KIAA0232: variants seen among roughly 807,000 people sequenced by gnomAD.
KIAA0232 encodes the protein KIAA0232.
Under a neutral mutation model 122.0 loss-of-function variants are expected in KIAA0232, and 27 were observed. The observed-to-expected ratio is 0.22, with a 90% CI of 0.16 to 0.31. The LOEUF (loss-of-function observed/expected upper bound fraction) is 0.31, where lower values mean the gene tolerates loss of function less well. KIAA0232 is among the 10% of genes least tolerant of loss of function. KIAA0232 has a pLI of 1.00. For synonymous variants in KIAA0232, 613 were observed against 587.6 expected, an observed-to-expected ratio of 1.04 and a Z score of -0.63; for missense variants, 1,551 against 1,634.2, an observed-to-expected ratio of 0.95 and a Z score of 0.88.
At chr4:6,793,729 C>T (rs1029928658) in intron 1 of KIAA0232, among the ~76,000 whole-genome samples, 2 of 152,188 alleles carry the variant, frequency 1.3e-5, no homozygotes, top group East Asian at 3.8e-4. Context: ...TGAGCTAACA[C>T]TGGTTAACCG....
Position 6,876,726 on chromosome 4 carries a change from G to C in KIAA0232, c.3977G>C (p.Ser1326Thr). ...TATCCAGATGCTAAAGAGACACCCAGTAATGAAGAGCGCCTGTTAGATTTT... is the reference window on the plus strand; with the variant it reads ...TATCCAGATGCTAAAGAGACACCCACTAATGAAGAGCGCCTGTTAGATTTT... ...EEYPDAKETP[S>T]NEERLLDFNR... The change falls in exon 9 of 10, where the codon AGT becomes ACT. Residue 1326 changes from serine (S) to threonine (T), a missense_variant. Ser to Thr is a moderately conservative substitution (Grantham distance 58, BLOSUM62 1). This residue lies in a region of KIAA0232 where 1,108 missense variants were observed against 1,154.8 expected (regional missense o/e 0.96). Transcript: ENST00000307659. 1 of 1,612,922 alleles carries C rather than the reference G, an allele frequency of 6.2e-7. No homozygotes were observed. Among genetic ancestry groups the C allele is most frequent in the Non-Finnish European group, 8.5e-7 (1 of 1,178,926 alleles).
At chr4:6,789,034 G>C (rs1432372627) in intron 1 of KIAA0232, among the ~76,000 whole-genome samples, 1 of 151,774 alleles carries the variant, frequency 6.6e-6, no homozygotes, top group African/African-American at 2.4e-5. Context: ...GCAGTGGCGC[G>C]ATCTCGGCTC....
At chr4:6,844,711 C>T (rs1719861428) in intron 4 of KIAA0232, among the ~76,000 whole-genome samples, 1 of 152,328 alleles carries the variant, frequency 6.6e-6, no homozygotes, top group Non-Finnish European at 1.5e-5. Flanking sequence ...GCTGGGATTA[C>T]AGGTGTGAGC....
In KIAA0232 at chr4:6,861,551, A is replaced by G; in HGVS notation, c.1169A>G (p.Asn390Ser). Residue 390 changes from asparagine to serine, a missense_variant, in exon 7 of 10, where the codon AAT becomes AGT. Coordinates refer to ENST00000307659, the MANE Select transcript of KIAA0232 (RefSeq NM_014743.3). ...STEGKDLYME[N>S]RKDTEYKEEP... ...GAAGGAAAAGACCTGTACATGGAGA[A>G]TAGAAAGGACACAGAGTATAAAGAG... 1.2e-6 allele frequency: 2 copies of G among 1,614,118 alleles called. No individual in the cohort carries two copies. The highest frequency in any genetic ancestry group is 2.2e-5 in the South Asian group (2 of 91,078).
chr4:6,846,394 C>T (rs1332613715), intron 4 of KIAA0232, among the ~76,000 whole-genome samples: 1 of 152,148 alleles, frequency 6.6e-6, no homozygotes, highest in Non-Finnish European at 1.5e-5. Flanking sequence ...AGCGAGCAAG[C>T]TTTACCGCCT....
intron 1 of KIAA0232, among the ~76,000 whole-genome samples, chr4:6,801,248 T>C (rs1178804242): frequency 6.6e-6 from 1 of 152,246 alleles, no homozygotes; most frequent in Non-Finnish European, 1.5e-5. Flanking sequence ...GAATTTTCAA[T>C]TTTATTTAAT....
Position 6,847,452 on chromosome 4 carries a change from G to A in KIAA0232, c.369+5248G>A, listed in dbSNP as rs141475819. ...ATTGCCAAAACAGAAGGGCAATTCAGTTGTGTCAGAATTTAATTTTATACA... is the reference window on the plus strand; with the variant it reads ...ATTGCCAAAACAGAAGGGCAATTCAATTGTGTCAGAATTTAATTTTATACA... On this transcript the variant is annotated intron_variant, in intron 4 of 9. Coordinates refer to ENST00000307659, the MANE Select transcript of KIAA0232 (RefSeq NM_014743.3). 5.8e-4 allele frequency among the ~76,000 whole-genome samples: 89 copies of A among 152,296 alleles called. 1 individual carries two copies. The East Asian group carries it at 0.016, about 28-fold the overall frequency.
chr4:6,822,884 C>T (rs561437852), intron 2 of KIAA0232, among the ~76,000 whole-genome samples: 5 of 148,034 alleles, frequency 3.4e-5, no homozygotes, highest in Admixed American at 6.7e-5. Flanking sequence ...CCCACTAACT[C>T]GTCATCTAGC....
At chr4:6,875,899 C>T (rs1286974277) in intron 8 of KIAA0232, among the ~76,000 whole-genome samples, 1 of 152,100 alleles carries the variant, frequency 6.6e-6, no homozygotes, top group Admixed American at 6.5e-5. Flanking sequence ...TTAGAATTGC[C>T]TGGGAGCAAA....
intron 4 of KIAA0232, 43 bp downstream of exon 4, chr4:6,842,247 AG>A (rs1220148359): frequency 1.3e-6 from 2 of 1,543,662 alleles, no homozygotes; most frequent in African/African-American, 2.9e-5. Context: ...GAATAAAAGA[AG>A]GGGTGATTTA....
At chr4:6,807,235 G>C (rs917340776) in intron 2 of KIAA0232, among the ~76,000 whole-genome samples, 1 of 152,102 alleles carries the variant, frequency 6.6e-6, no homozygotes, top group Admixed American at 6.5e-5. Context: ...AGATCAACCA[G>C]ATTAACCAAA....
intron 4 of KIAA0232, among the ~76,000 whole-genome samples, chr4:6,843,927 CTTTTT>C (rs373793407): frequency 2.2e-5 from 1 of 46,316 alleles, no homozygotes; most frequent in Non-Finnish European, 4.3e-5. Flanking sequence ...AGTTACCCAT[CTTTTT>C]TTTTTTTTTT....
At chr4:6,871,183 A>G (rs909010895) in intron 7 of KIAA0232, among the ~76,000 whole-genome samples, 6 of 152,192 alleles carry the variant, frequency 3.9e-5, no homozygotes, top group Non-Finnish European at 8.8e-5. Flanking sequence ...CTGTAATCCC[A>G]GTACTTTGGG....
At position 6,824,358 on chromosome 4, in the gene KIAA0232, C is replaced by G; in HGVS notation, c.-96C>G. On this transcript the variant is annotated 5_prime_UTR_variant, in exon 3 of 10. Coordinates refer to ENST00000307659, the MANE Select transcript of KIAA0232 (RefSeq NM_014743.3). ...TGCTTATCCTACATGTCAAGCATCT[C>G]TACTTTTTACTGGAGTGAAAATCCC... is the stretch of plus-strand genomic sequence containing the variant. 2.0e-6 allele frequency: 2 copies of G among 1,012,782 alleles called. No homozygotes were observed. Among genetic ancestry groups the G allele is most frequent in the Non-Finnish European group, 1.6e-6 (1 of 638,200 alleles). 62.7% of individuals were successfully genotyped at this position (1,012,782 alleles called of 1,614,324 possible). A position where few individuals can be genotyped will look rare whatever the true frequency, so the allele number is the denominator to read the frequency against.
chr4:6,831,079 G>A (rs928687511), intron 3 of KIAA0232, among the ~76,000 whole-genome samples: 4 of 150,348 alleles, frequency 2.7e-5, no homozygotes, highest in South Asian at 2.1e-4. Context: ...TTTTTGAGAC[G>A]GAGTCTCGCC....
Position 6,882,153 on chromosome 4 carries a change from T to G in KIAA0232, c.*1187T>G, listed in dbSNP as rs1722109500. 4 of 152,334 alleles carry G rather than the reference T, an allele frequency of 2.6e-5. No homozygotes were observed. The highest frequency in any genetic ancestry group is 9.6e-5 in the African/African-American group (4 of 41,470). 9.4% of individuals were successfully genotyped at this position (152,334 alleles called of 1,614,324 possible). On this transcript the variant is annotated 3_prime_UTR_variant, in exon 10 of 10. Transcript: ENST00000307659. ...TGGCGATCCGCTCCTCCGGCTCTCA[T>G]GGCATTGTGCCACAGGCAGAGGCCA...
In KIAA0232 at chr4:6,857,176, G is replaced by A. The variant is rs1210895636; in HGVS notation, c.382G>A (p.Glu128Lys). 6.2e-7 allele frequency: 1 copy of A among 1,608,504 alleles called. No individual in the cohort carries two copies. The highest frequency in any genetic ancestry group is 8.5e-7 in the Non-Finnish European group (1 of 1,177,264). Residue 128 changes from glutamate (E) to lysine (K), a missense_variant, in exon 5 of 10, where the codon GAG becomes AAG. By Grantham distance (56) the Glu-to-Lys change is moderately conservative. This residue lies in a region of KIAA0232 where 377 missense variants were observed against 381.7 expected (regional missense o/e 0.99). Transcript: ENST00000307659. Reference sequence around the variant, plus strand: ...TGTTGTCATGCAGAGCTCTGGTATCGAGACTTTAGTGGAGGAGCTCTGCTC... The same window carrying A: ...TGTTGTCATGCAGAGCTCTGGTATCAAGACTTTAGTGGAGGAGCTCTGCTC... Reference protein sequence around the residue: ...RSASDESSGIETLVEELCSRL... With the variant: ...RSASDESSGIKTLVEELCSRL...
intron 2 of KIAA0232, among the ~76,000 whole-genome samples, chr4:6,820,674 A>G (rs1382357022): frequency 1.3e-5 from 2 of 151,990 alleles, no homozygotes; most frequent in Non-Finnish European, 2.9e-5. Context: ...GTTTTGTATT[A>G]TTTTTGTTTA....
chr4:6,847,190 CAT>C (rs1460081076), intron 4 of KIAA0232, among the ~76,000 whole-genome samples: 2 of 152,148 alleles, frequency 1.3e-5, no homozygotes, highest in Non-Finnish European at 2.9e-5. Context: ...GTGTGTGACA[CAT>C]GTGACCATGC....
Sources: allele counts gnomAD v4.1 joint callset (sites outside exome capture counted in the v4.1 genomes callset), GRCh38; gene constraint gnomAD v4.1.1; regional missense constraint gnomAD v4.1.1; transcripts MANE v1.5; gene names NCBI Gene and HGNC (gene_info 2026-07-23, HGNC 2026-07-21).